Variants in ARMC3 observed in about 807,000 individuals in gnomAD.
ARMC3 encodes armadillo repeat containing 3.
In ARMC3, 74 loss-of-function variants were observed where a neutral mutation model predicts 90.3. The observed-to-expected ratio is 0.82, with a 90% CI of 0.68 to 0.99. The LOEUF (loss-of-function observed/expected upper bound fraction) is 0.99. Among genes scored for constraint, ARMC3 ranks in the 50% least tolerant of loss-of-function variants. The pLI is 0.00. For missense variants in ARMC3, 958 were observed against 1,042.8 expected (o/e 0.92, Z 1.12); for synonymous variants, 334 against 361.8 (o/e 0.92, Z 0.87).
At chr10:23,008,476 T>A (rs1837744064) in intron 15 of ARMC3, 102 bp downstream of exon 15, 1 of 708,916 alleles carries the variant, frequency 1.4e-6, no homozygotes, top group Admixed American at 3.0e-5. Context: ...ATTTTTATTC[T>A]TCTTATGGTA....
At chr10:23,000,450 C>T (rs763728349) in intron 11 of ARMC3, among the ~76,000 whole-genome samples, 8 of 152,084 alleles carry the variant, frequency 5.3e-5, no homozygotes, top group Non-Finnish European at 1.2e-4. Flanking sequence ...TTTTTTGGTT[C>T]TGTGTAAAAG....
intron 16 of ARMC3, among the ~76,000 whole-genome samples, chr10:23,021,148 C>T (rs1433714341): frequency 6.6e-6 from 1 of 152,182 alleles, no homozygotes; most frequent in African/African-American, 2.4e-5. Flanking sequence ...TGATTTTATT[C>T]TTTTTTATGG....
At chr10:23,029,192 A>G (rs2131560712) in intron 16 of ARMC3, among the ~76,000 whole-genome samples, 1 of 152,320 alleles carries the variant, frequency 6.6e-6, no homozygotes, top group Middle Eastern at 3.4e-3. Flanking sequence ...TCTTTCTCTC[A>G]AGAGGGCATC....
chr10:22,949,396 G>A (rs922213882), intron 3 of ARMC3, among the ~76,000 whole-genome samples: 3 of 152,276 alleles, frequency 2.0e-5, no homozygotes, highest in Admixed American at 6.5e-5. Context: ...TATATGTTTA[G>A]AAAGTGAAAA....
In ARMC3 at chr10:22,971,655, G is replaced by A. The variant is rs202113701; in HGVS notation, c.916+3166G>A. Among the ~76,000 whole-genome samples the A allele has an allele frequency of 1.6e-4, 25 of 152,126 alleles. No individual in the cohort carries two copies. In the East Asian group the frequency reaches 4.8e-3, roughly 29 times the overall value. ...ATGATTTCACCATGTTAGCCAAGCT[G>A]GTCTTGAACTCCTGACCTCAGGCAA... is the stretch of plus-strand genomic sequence containing the variant. On this transcript the variant is annotated intron_variant, in intron 8 of 18. Transcript: ENST00000298032.
At chr10:23,019,570 G>A (rs1481361528) in intron 16 of ARMC3, among the ~76,000 whole-genome samples, 1 of 152,040 alleles carries the variant, frequency 6.6e-6, no homozygotes, top group East Asian at 1.9e-4. Context: ...TAGAGACAGG[G>A]TCTCACTTTA....
chr10:23,022,598 C>A (rs1838555163), intron 16 of ARMC3, among the ~76,000 whole-genome samples: 2 of 152,180 alleles, frequency 1.3e-5, no homozygotes, highest in African/African-American at 4.8e-5. Flanking sequence ...CAACACTAGG[C>A]AAACTCAGTG....
chr10:22,945,748 G>A (rs1408835592), intron 2 of ARMC3, among the ~76,000 whole-genome samples: 2 of 152,076 alleles, frequency 1.3e-5, no homozygotes, highest in Admixed American at 6.6e-5. Flanking sequence ...GCCAGATGAC[G>A]TGCTAAGTGC....
At chr10:23,009,687 T>C (rs1261726855) in intron 16 of ARMC3, among the ~76,000 whole-genome samples, 2 of 152,142 alleles carry the variant, frequency 1.3e-5, no homozygotes, top group African/African-American at 4.8e-5. Context: ...TTATTAGAGA[T>C]GGGGTTTCAC....
intron 8 of ARMC3, among the ~76,000 whole-genome samples, chr10:22,976,200 G>A (rs1287119605): frequency 6.6e-6 from 1 of 152,120 alleles, no homozygotes; most frequent in Non-Finnish European, 1.5e-5. Flanking sequence ...GTGGAAATTT[G>A]TTTCTTCCTC....
Position 23,007,023 on chromosome 10 carries a change from T to C in ARMC3, c.1829+42T>C, listed in dbSNP as rs1308435354. ...AGAGGGGATGAAGGGAAGCACATAC[T>C]GCTTGTTGTTGTTGTTTCTCCACCA... On this transcript the variant is annotated intron_variant, in intron 14 of 18. Transcript: ENST00000298032. The C allele has an allele frequency of 2.1e-6, 3 of 1,461,878 alleles. No individual in the cohort carries two copies. The African/African-American group carries it at 4.2e-5, about 21-fold the overall frequency. 90.6% of individuals were successfully genotyped at this position (1,461,878 alleles called of 1,614,324 possible). A position where few individuals can be genotyped will look rare whatever the true frequency, so the allele number is the denominator to read the frequency against.
At chr10:22,949,214 A>T (rs1339173084) in intron 3 of ARMC3, among the ~76,000 whole-genome samples, 2 of 152,212 alleles carry the variant, frequency 1.3e-5, no homozygotes, top group African/African-American at 4.8e-5. Context: ...AGAAATATCC[A>T]TTGCCCAAGA....
At chr10:22,990,315 T>G (rs1836647165) in intron 10 of ARMC3, among the ~76,000 whole-genome samples, 2 of 152,236 alleles carry the variant, frequency 1.3e-5, no homozygotes, top group African/African-American at 4.8e-5. Flanking sequence ...AGTGAAAGGC[T>G]TGAGTAGGAT....
chr10:22,942,143 A>G (rs148275510), intron 2 of ARMC3, among the ~76,000 whole-genome samples: 2 of 152,326 alleles, frequency 1.3e-5, no homozygotes, highest in African/African-American at 4.8e-5. Flanking sequence ...TAAGGGAGAA[A>G]GCTGATAAAG....
intron 16 of ARMC3, among the ~76,000 whole-genome samples, chr10:23,017,493 G>A (rs1838329693): frequency 6.6e-6 from 1 of 152,216 alleles, no homozygotes; most frequent in Non-Finnish European, 1.5e-5. Flanking sequence ...GACCGGGCAT[G>A]GTGGCTCACA....
Position 22,932,029 on chromosome 10 carries a change from T to C in ARMC3, c.33T>C (p.Pro11=). Residue 11 remains proline (P), a synonymous_variant, in exon 2 of 19, where the codon CCT becomes CCC. Coordinates refer to ENST00000298032, the MANE Select transcript of ARMC3 (RefSeq NM_173081.5). MGKKIKKEVE[P]PPKDVFDPLM... Reference sequence around the variant, plus strand: ...AAAAGATAAAGAAGGAAGTAGAGCCTCCTCCTAAGGATGTGGTAAGTTTCT... The same window carrying C: ...AAAAGATAAAGAAGGAAGTAGAGCCCCCTCCTAAGGATGTGGTAAGTTTCT... 1.2e-6 allele frequency: 2 copies of C among 1,603,672 alleles called. No homozygotes were observed. The highest frequency in any genetic ancestry group is 1.7e-6 in the Non-Finnish European group (2 of 1,176,872).
Position 23,008,338 on chromosome 10 carries a change from C to T in ARMC3, c.1892C>T (p.Ser631Leu). The T allele has an allele frequency of 6.5e-7, 1 of 1,548,510 alleles. No homozygotes were observed. The highest frequency in any genetic ancestry group is 8.8e-7 in the Non-Finnish European group (1 of 1,134,348). Residue 631 changes from serine (S) to leucine (L), a missense_variant, in exon 15 of 19, where the codon TCA becomes TTA. Coordinates refer to ENST00000298032, the MANE Select transcript of ARMC3 (RefSeq NM_173081.5). ...DVGYGRSISS[S>L]SSLRRSSKEK... ...GGTTATGGACGAAGTATTTCTTCTTCATCTTCCTTAAGAAGATCAAGTAAA... is the reference window on the plus strand; with the variant it reads ...GGTTATGGACGAAGTATTTCTTCTTTATCTTCCTTAAGAAGATCAAGTAAA...
At chr10:23,014,411 A>G (rs1271380099) in intron 16 of ARMC3, 1 of 1,168,014 alleles carries the variant, frequency 8.6e-7, no homozygotes, top group East Asian at 4.1e-5. Context: ...CTTTTGGTCA[A>G]CCCTTCTTGT....
intron 2 of ARMC3, among the ~76,000 whole-genome samples, chr10:22,944,936 G>C (rs1050408021): frequency 6.6e-6 from 1 of 152,190 alleles, no homozygotes; most frequent in Non-Finnish European, 1.5e-5. Context: ...TTCTCTAAAA[G>C]GGTCTACGAG....
Sources: gnomAD v4.1 joint callset for allele counts (sites outside exome capture counted in the v4.1 genomes callset) on GRCh38, gnomAD v4.1.1 for gene constraint, MANE v1.5 for transcripts, NCBI Gene and HGNC (gene_info 2026-07-23, HGNC 2026-07-21) for gene names.